DNMT3A: variants seen among roughly 807,000 people sequenced by gnomAD.
DNMT3A encodes DNA (cytosine-5)-methyltransferase 3A.
DNMT3A carries 267 observed loss-of-function variants against 117.6 expected under a neutral mutation model. The ratio of observed to expected loss-of-function variants is 2.27; its 90% CI spans 2.05 to 2.51. The LOEUF is 2.51. Among genes scored for constraint, DNMT3A ranks in the 30% most tolerant of loss-of-function variants. The probability of loss-of-function intolerance (pLI) is 0.00; values close to 1 mark genes in which losing one functional copy is unlikely to be tolerated. For missense variants in DNMT3A, 1,029 were observed against 1,260.2 expected, an observed-to-expected ratio of 0.82 and a Z score of 2.78; for synonymous variants, 432 against 474.8, an observed-to-expected ratio of 0.91 and a Z score of 1.17.
In DNMT3A at chr2:25,244,619, C is replaced by CG; in HGVS notation, c.1587dup (p.Asp530ArgfsTer16). ...GTGCAGTAGGACTGGTAGCCGTCGTCGTCGTACTGGTACGCACACTCCAGA... is the reference window on the plus strand; with the variant it reads ...GTGCAGTAGGACTGGTAGCCGTCGTCGGTCGTACTGGTACGCACACTCCAGA... On this transcript the variant is annotated frameshift_variant, in exon 14 of 23. Transcript: ENST00000321117. LOFTEE classifies it high-confidence loss of function. The CG allele has an allele frequency of 6.2e-7, 1 of 1,614,182 alleles. No homozygotes were observed. The highest frequency in any genetic ancestry group is 8.5e-7 in the Non-Finnish European group (1 of 1,180,028).
chr2:25,258,533 G>C (rs1162721670), intron 6 of DNMT3A, among the ~76,000 whole-genome samples: 1 of 152,224 alleles, frequency 6.6e-6, no homozygotes, highest in Non-Finnish European at 1.5e-5. Context: ...TAGTAGACAT[G>C]ATGGGGCTCT....
rs544300212 is a variant in DNMT3A at position 25,230,520 on chromosome 2, C to G, written c.*3759G>C. 6.6e-6 allele frequency: 1 copy of G among 152,394 alleles called. No individual in the cohort carries two copies. Among genetic ancestry groups the G allele is most frequent in the South Asian group, 2.1e-4 (1 of 4,832 alleles). 9.4% of individuals were successfully genotyped at this position (152,394 alleles called of 1,614,324 possible). A position where few individuals can be genotyped will look rare whatever the true frequency, so the allele number is the denominator to read the frequency against. On this transcript the variant is annotated 3_prime_UTR_variant, in exon 23 of 23. Coordinates refer to ENST00000321117, the MANE Select transcript of DNMT3A (RefSeq NM_022552.5). Reference sequence around the variant, plus strand: ...GAAAGAAAATTCCACAGGGAATATGCCTGGCAATTTTCCCTAGGCCTTCTT... The same window carrying G: ...GAAAGAAAATTCCACAGGGAATATGGCTGGCAATTTTCCCTAGGCCTTCTT...
In DNMT3A at chr2:25,240,417, C is replaced by T. The variant is rs139293773; in HGVS notation, c.2207G>A (p.Arg736His). The change falls in exon 19 of 23, where the codon CGC becomes CAC. Residue 736 changes from arginine (R) to histidine (H), a missense_variant. Physicochemically the swap from Arg to His is conservative, Grantham distance 29. Transcript: ENST00000321117. ...GTGRLFFEFY[R>H]LLHDARPKEG... is the part of the protein sequence containing the mutation. ...CTTGGGCCGCGCATCATGCAGGAGG[C>T]GGTAGAACTCAAAGAAGAGCCGGCC... The T allele has an allele frequency of 3.5e-5, 56 of 1,612,042 alleles. No homozygotes were observed. Among genetic ancestry groups the T allele is most frequent in the Admixed American group, 5.0e-5 (3 of 59,720 alleles).
In DNMT3A at chr2:25,296,037, C is replaced by T. The variant is rs2033065174; in HGVS notation, c.177+4102G>A. ...GGTTGTAAAATATAAAATCACAGCA[C>T]GTGGATGTGGCAACATTGTCACACA... On this transcript the variant is annotated intron_variant, in intron 3 of 22. Coordinates refer to ENST00000321117, the MANE Select transcript of DNMT3A (RefSeq NM_022552.5). This position sits in a 1 kb window ranked among gnomAD's most constrained non-coding sequence, Gnocchi z 4.2. 6.6e-6 allele frequency among the ~76,000 whole-genome samples: 1 copy of T among 152,198 alleles called. No homozygotes were observed. The highest frequency in any genetic ancestry group is 1.5e-5 in the Non-Finnish European group (1 of 68,048).
intron 1 of DNMT3A, 33 bp downstream of exon 1, chr2:25,341,793 G>A: frequency 1.0e-6 from 1 of 979,116 alleles, no homozygotes; most frequent in Non-Finnish European, 1.2e-6. Flanking sequence ...CTCCGGGCCG[G>A]CCTTCCGGGC....
chr2:25,336,568 G>C (rs1458938778), intron 1 of DNMT3A, among the ~76,000 whole-genome samples: 1 of 152,096 alleles, frequency 6.6e-6, no homozygotes, highest in African/African-American at 2.4e-5. Flanking sequence ...CTGGTCTATG[G>C]AATAGAAAGA....
rs1247906086 is a variant in DNMT3A at position 25,240,837 on chromosome 2, A to G, written c.2083-107T>C. The G allele has an allele frequency of 4.7e-5, 53 of 1,119,686 alleles. 1 individual carries two copies. The East Asian group carries it at 1.3e-3, about 28-fold the overall frequency. 69.4% of individuals were successfully genotyped at this position (1,119,686 alleles called of 1,614,324 possible). On this transcript the variant is annotated intron_variant, in intron 17 of 22. Coordinates refer to ENST00000321117, the MANE Select transcript of DNMT3A (RefSeq NM_022552.5). ...TGGCAAAGAAGTCCTTTGACACGAA[A>G]GAGAGGAGACCCAGCTGCTCTGCAG... is the stretch of plus-strand genomic sequence containing the variant.
intron 3 of DNMT3A, among the ~76,000 whole-genome samples, chr2:25,291,607 C>T (rs936561681): frequency 2.6e-5 from 4 of 152,234 alleles, no homozygotes; most frequent in African/African-American, 7.2e-5. Context: ...CACAGAGGGC[C>T]GACTCTGGAA....
chr2:25,338,244 G>A (rs1000548950), intron 1 of DNMT3A, among the ~76,000 whole-genome samples: 1 of 152,204 alleles, frequency 6.6e-6, no homozygotes. Context: ...AAACAGTCCC[G>A]TACCCAGCAC....
In DNMT3A at chr2:25,228,261, T is replaced by C. The variant is rs1672751746; in HGVS notation, c.*6018A>G. 1 of 33,850 alleles carries C rather than the reference T, an allele frequency of 3.0e-5. No homozygotes were observed. Among genetic ancestry groups the C allele is most frequent in the Admixed American group, 3.6e-4 (1 of 2,798 alleles). The allele number at this position is 33,850 out of a possible 1,614,324, so 2.1% of individuals were successfully genotyped here. A position where few individuals can be genotyped will look rare whatever the true frequency, so the allele number is the denominator to read the frequency against. ...AAAAAAAAAAAAAAAAATACAGTGG[T>C]GAAAGGATGCTGGAACCAGGAAAAA... On this transcript the variant is annotated 3_prime_UTR_variant, in exon 23 of 23. Transcript: ENST00000321117.
chr2:25,248,048 G>T lies in DNMT3A; in HGVS notation c.844C>A (p.Pro282Thr). The T allele has an allele frequency of 1.9e-6, 3 of 1,611,944 alleles. No homozygotes were observed. In the South Asian group the frequency reaches 3.3e-5, roughly 18 times the overall value. The part of the protein sequence containing the change: ...KNATKAGDDE[P>T]EYEDGRGFGI... The stretch of plus-strand genomic sequence containing the variant: ...AAGAAGCCGCTCACCTCGTACTCTG[G>T]CTCGTCATCGCCTGCTTTGGTGGCA... The change falls in exon 7 of 23, where the codon CCA becomes ACA. Residue 282 changes from proline (P) to threonine (T), a missense_variant. By Grantham distance (38) the Pro-to-Thr change is conservative. Transcript: ENST00000321117.
intron 17 of DNMT3A, 92 bp from the exon 18 acceptor site, chr2:25,240,822 G>T (rs1673941345): frequency 5.3e-6 from 7 of 1,314,922 alleles, no homozygotes; most frequent in Non-Finnish European, 7.6e-6. Flanking sequence ...TGGCAAAGAA[G>T]TCCTTTGACA....
intron 1 of DNMT3A, among the ~76,000 whole-genome samples, chr2:25,335,612 T>C (rs75863036): frequency 1.9e-4 from 29 of 152,286 alleles, no homozygotes; most frequent in African/African-American, 6.7e-4. Flanking sequence ...ATCTCGAACA[T>C]CTGCACTGAG....
In DNMT3A at chr2:25,327,634, C is replaced by T. The variant is rs2034836541; in HGVS notation, c.-177-13473G>A. Among the ~76,000 whole-genome samples the T allele has an allele frequency of 6.6e-6, 1 of 152,258 alleles. No individual in the cohort carries two copies. The highest frequency in any genetic ancestry group is 2.1e-4 in the South Asian group (1 of 4,822). ...GGTGCTCCTCAAAGGTCATGTTCTACCTTCAGCTTCTCTCTAAATGCTCTT... is the reference window on the plus strand; with the variant it reads ...GGTGCTCCTCAAAGGTCATGTTCTATCTTCAGCTTCTCTCTAAATGCTCTT... On this transcript the variant is annotated intron_variant, in intron 1 of 22. Coordinates refer to ENST00000321117, the MANE Select transcript of DNMT3A (RefSeq NM_022552.5). The surrounding 1 kb of genome is among the most constrained non-coding windows in gnomAD (Gnocchi z 4.1).
chr2:25,323,215 G>C (rs993802232), intron 1 of DNMT3A, among the ~76,000 whole-genome samples: 4 of 152,160 alleles, frequency 2.6e-5, no homozygotes, highest in African/African-American at 9.7e-5. Flanking sequence ...GCCAGCTGCT[G>C]TCTTCCCGCC....
chr2:25,234,931 G>C lies in DNMT3A; in HGVS notation c.2598-511C>G, dbSNP rs1673186555. On this transcript the variant is annotated intron_variant, in intron 22 of 22. Coordinates refer to ENST00000321117, the MANE Select transcript of DNMT3A (RefSeq NM_022552.5). The surrounding 1 kb of genome is among the most constrained non-coding windows in gnomAD (Gnocchi z 4.5). ...GATTTCCTGTTTGCTCTGGTTGTTT[G>C]TGTAAATGGTCTCTTTGTCTGGCTA... Among the ~76,000 whole-genome samples, 1 of 152,166 alleles carries C rather than the reference G, an allele frequency of 6.6e-6. No individual in the cohort carries two copies. The highest frequency in any genetic ancestry group is 1.5e-5 in the Non-Finnish European group (1 of 68,042).
In DNMT3A at chr2:25,236,964, T is replaced by C; in HGVS notation, c.2450A>G (p.Glu817Gly). 6.2e-7 allele frequency: 1 copy of C among 1,613,610 alleles called. No individual in the cohort carries two copies. Among genetic ancestry groups the C allele is most frequent in the Admixed American group, 1.7e-5 (1 of 59,972 alleles). ...STVNDKLELQ[E>G]CLEHGRIAKF... ...GGCTATCCTGCCATGCTCCAGACAC[T>C]CCTGCAGCTCCAGCTTATCATTCAC... Residue 817 changes from glutamate to glycine, a missense_variant, in exon 21 of 23, where the codon GAG (glutamate) becomes GGG (glycine). Glu to Gly is a moderately conservative substitution (Grantham distance 98). Coordinates refer to ENST00000321117, the MANE Select transcript of DNMT3A (RefSeq NM_022552.5). This position sits in a 1 kb window ranked among gnomAD's most constrained non-coding sequence, Gnocchi z 4.5.
In DNMT3A at chr2:25,234,390, G is replaced by A. The variant is rs368516543; in HGVS notation, c.2628C>T (p.Asp876=). 58 of 1,614,014 alleles carry A rather than the reference G, an allele frequency of 3.6e-5. No individual in the cohort carries two copies. The highest frequency in any genetic ancestry group is 8.3e-5 in the Admixed American group (5 of 59,996). ...RVFGFPVHYT[D]VSNMSRLARQ... ...TCGCCAAGCGGCTCATGTTGGAGAC[G>A]TCAGTATAGTGGACTGGGAAACCAA... The change falls in exon 23 of 23, where the codon GAC becomes GAT. Residue 876 remains aspartate (D), a synonymous_variant. Transcript: ENST00000321117. This position sits in a 1 kb window ranked among gnomAD's most constrained non-coding sequence, Gnocchi z 4.5.
In DNMT3A at chr2:25,247,625, C is replaced by T. The variant is rs750966422; in HGVS notation, c.980G>A (p.Trp327Ter). The T allele has an allele frequency of 4.3e-6, 7 of 1,614,164 alleles. No homozygotes were observed. The highest frequency in any genetic ancestry group is 5.9e-6 in the Non-Finnish European group (7 of 1,180,028). ...GRSRAAEGTR[W>*]VMWFGDGKFS... Reference sequence around the variant, plus strand: ...TTTGCCGTCTCCGAACCACATGACCCAGCGGGTGCCTTCAGCTGCTCGGCT... The same window carrying T: ...TTTGCCGTCTCCGAACCACATGACCTAGCGGGTGCCTTCAGCTGCTCGGCT... Residue 327 changes from tryptophan (W) to a stop codon, truncating the protein, a stop_gained, in exon 8 of 23, where the codon TGG becomes TAG. Transcript: ENST00000321117. LOFTEE classifies it high-confidence loss of function. The surrounding 1 kb of genome is among the most constrained non-coding windows in gnomAD (Gnocchi z 5.6).
Sources: gnomAD v4.1 joint callset for allele counts (sites outside exome capture counted in the v4.1 genomes callset) on GRCh38, gnomAD v4.1.1 for gene constraint, Gnocchi (gnomAD v3.1) non-coding constraint, MANE v1.5 for transcripts, NCBI Gene and HGNC (gene_info 2026-07-23, HGNC 2026-07-21) for gene names.